The following TRAPPC9 variants were observed in gnomAD, a reference collection of about 807,000 sequenced individuals.
TRAPPC9 encodes the protein IKK2 binding protein.
A neutral mutation model predicts 124.0 loss-of-function variants in TRAPPC9; 83 were observed. The ratio of observed to expected loss-of-function variants is 0.67; its 90% CI spans 0.56 to 0.80. The LOEUF (loss-of-function observed/expected upper bound fraction) is 0.80. Ranked by LOEUF, TRAPPC9 falls within the 30% of genes least tolerant of loss-of-function variation. The pLI, the probability that TRAPPC9 is intolerant of heterozygous loss-of-function variation, is 0.00. For synonymous variants in TRAPPC9, 638 were observed against 617.5 expected (o/e 1.03, Z -0.49); for missense variants, 1,302 against 1,508.3 (o/e 0.86, Z 2.27).
chr8:139,735,653 G>T (rs1055558600), intron 21 of TRAPPC9, among the ~76,000 whole-genome samples: 6 of 144,724 alleles, frequency 4.1e-5, no homozygotes, highest in Non-Finnish European at 7.5e-5. Context: ...GTACCACCCT[G>T]CCCTGTTTTT....
chr8:140,425,218 C>T (rs959171456), intron 5 of TRAPPC9, among the ~76,000 whole-genome samples: 1 of 152,370 alleles, frequency 6.6e-6, no homozygotes, highest in Middle Eastern at 3.4e-3. Flanking sequence ...CTGGCGTGGC[C>T]TGGAAGGCAG....
chr8:140,071,887 T>A (rs1165905027), intron 17 of TRAPPC9, among the ~76,000 whole-genome samples: 1 of 152,032 alleles, frequency 6.6e-6, no homozygotes, highest in Non-Finnish European at 1.5e-5. Context: ...CCCAGCGGGG[T>A]TGATCCCGGG....
Position 139,836,026 on chromosome 8 carries a change from T to A in TRAPPC9, c.3055+49853A>T, listed in dbSNP as rs572971691. On this transcript the variant is annotated intron_variant, in intron 21 of 22. Transcript: ENST00000438773. ...CATTTATTTATTTATTTATTTTTTTTGAGACAGAGTCTCACTCCGTCGCCC... is the reference window on the plus strand; with the variant it reads ...CATTTATTTATTTATTTATTTTTTTAGAGACAGAGTCTCACTCCGTCGCCC... 6.6e-5 allele frequency among the ~76,000 whole-genome samples: 10 copies of A among 151,656 alleles called. No homozygotes were observed. In the East Asian group the frequency reaches 1.9e-3, roughly 29 times the overall value.
chr8:139,915,110 G>A lies in TRAPPC9; in HGVS notation c.2811-4810C>T, dbSNP rs534868583. Among the ~76,000 whole-genome samples, 36 of 152,284 alleles carry A rather than the reference G, an allele frequency of 2.4e-4. No homozygotes were observed. The South Asian group carries it at 3.5e-3, about 15-fold the overall frequency. On this transcript the variant is annotated intron_variant, in intron 19 of 22. Transcript: ENST00000438773. The stretch of plus-strand genomic sequence containing the variant: ...CGAAGGCACCTGCCTCGTCTGCAGC[G>A]GGTGTTGGCGGGAATGGCCTTTTGG...
At chr8:140,233,622 A>C (rs77365494) in intron 16 of TRAPPC9, among the ~76,000 whole-genome samples, 192 of 8,372 alleles carry the variant, frequency 0.023, no homozygotes, top group South Asian at 0.042. Context: ...CTCTCTCCCC[A>C]CCACACACAC....
chr8:139,751,843 T>C (rs1819329797), intron 21 of TRAPPC9, among the ~76,000 whole-genome samples: 1 of 151,328 alleles, frequency 6.6e-6, no homozygotes, highest in Non-Finnish European at 1.5e-5. Flanking sequence ...CATCCACCTA[T>C]CTATCCACTA....
chr8:140,343,908 G>C (rs1393887329), intron 9 of TRAPPC9, among the ~76,000 whole-genome samples: 3 of 152,178 alleles, frequency 2.0e-5, no homozygotes, highest in African/African-American at 7.2e-5. Context: ...GTGGAGGGCA[G>C]AGGGAGAGAG....
intron 21 of TRAPPC9, among the ~76,000 whole-genome samples, chr8:139,738,424 G>A (rs538439838): frequency 1.1e-4 from 16 of 152,340 alleles, no homozygotes; most frequent in African/African-American, 7.2e-5. Flanking sequence ...GTGATGAAAC[G>A]GAGGTCCTGG....
At chr8:140,195,111 A>C (rs1418238152) in intron 17 of TRAPPC9, among the ~76,000 whole-genome samples, 68 of 133,014 alleles carry the variant, frequency 5.1e-4, no homozygotes, top group Admixed American at 2.6e-3. Flanking sequence ...ATACCTGTGA[A>C]ACTAAAACAC....
intron 17 of TRAPPC9, among the ~76,000 whole-genome samples, chr8:140,139,519 G>A (rs2061352213): frequency 6.6e-6 from 1 of 152,126 alleles, no homozygotes. Flanking sequence ...AGCGCCAAAT[G>A]GGAAATAACC....
intron 19 of TRAPPC9, among the ~76,000 whole-genome samples, chr8:139,975,339 A>C (rs1587386893): frequency 6.6e-6 from 1 of 152,300 alleles, no homozygotes; most frequent in East Asian, 1.9e-4. Flanking sequence ...AGGGCCTCTT[A>C]AACTACAGAT....
chr8:140,033,417 T>C (rs1449059380), intron 17 of TRAPPC9, among the ~76,000 whole-genome samples: 1 of 152,060 alleles, frequency 6.6e-6, no homozygotes, highest in East Asian at 1.9e-4. Context: ...AGGTGGGTCA[T>C]ACATCTAAAC....
At chr8:140,445,954 T>C (rs80096870) in intron 2 of TRAPPC9, among the ~76,000 whole-genome samples, 1,597 of 152,230 alleles carry the variant, frequency 0.01, 32 homozygotes, top group African/African-American at 0.036. Flanking sequence ...AGATCAGTAA[T>C]GCAAACAAAT....
chr8:140,036,083 G>A (rs909275389), intron 17 of TRAPPC9, among the ~76,000 whole-genome samples: 4 of 152,296 alleles, frequency 2.6e-5, no homozygotes, highest in Admixed American at 2.0e-4. Flanking sequence ...CCATGTGGCG[G>A]GGCTACAGAG....
intron 5 of TRAPPC9, among the ~76,000 whole-genome samples, chr8:140,407,628 G>GTC (rs545304484): frequency 7.2e-5 from 11 of 152,242 alleles, no homozygotes; most frequent in East Asian, 3.9e-4. Context: ...TTGAAACAGA[G>GTC]TCTCTCTCTC....
chr8:139,763,423 C>T (rs989837228), intron 21 of TRAPPC9, among the ~76,000 whole-genome samples: 1 of 152,168 alleles, frequency 6.6e-6, no homozygotes, highest in Non-Finnish European at 1.5e-5. Context: ...AAGCTACAGC[C>T]CCTCTCCCGT....
At chr8:140,253,652 T>C (rs539143305) in intron 15 of TRAPPC9, among the ~76,000 whole-genome samples, 2 of 151,410 alleles carry the variant, frequency 1.3e-5, no homozygotes, top group East Asian at 3.9e-4. Context: ...CACTCCAGCC[T>C]GGGCAACAGA....
intron 3 of TRAPPC9, among the ~76,000 whole-genome samples, chr8:140,437,442 G>A (rs116551235): frequency 0.03 from 4,619 of 152,112 alleles, 126 homozygotes; most frequent in African/African-American, 0.072. Context: ...GGCCAACATC[G>A]CAAAACCCCG....
rs554078043 is a variant in TRAPPC9 at position 140,426,518 on chromosome 8, A to G, written c.886+97T>C. ...AGTTACTTAAATCAGAATGTTCCAA[A>G]GATCATCATCCAGAAATTTTAACCA... is the stretch of plus-strand genomic sequence containing the variant. On this transcript the variant is annotated intron_variant, in intron 5 of 22. Transcript: ENST00000438773. The G allele has an allele frequency of 1.4e-4, 172 of 1,212,398 alleles. 1 individual carries two copies. In the African/African-American group the frequency reaches 2.3e-3, roughly 16 times the overall value. 75.1% of individuals were successfully genotyped at this position (1,212,398 alleles called of 1,614,324 possible).
Sources: gnomAD v4.1 joint callset for allele counts (sites outside exome capture counted in the v4.1 genomes callset) on GRCh38, gnomAD v4.1.1 for gene constraint, MANE v1.5 for transcripts, NCBI Gene and HGNC (gene_info 2026-07-23, HGNC 2026-07-21) for gene names.